Variants in RELN observed in about 807,000 individuals in gnomAD.
The protein encoded by RELN is reelin.
RELN carries 108 observed loss-of-function variants against 427.6 expected under a neutral mutation model. That is an observed-to-expected ratio of 0.25 (90% CI 0.22 to 0.30). The LOEUF (loss-of-function observed/expected upper bound fraction) is 0.30. Ranked by LOEUF, RELN falls within the 10% of genes least tolerant of loss-of-function variation. The pLI is 1.00. For synonymous variants in RELN, 1,524 were observed against 1,513.4 expected, an observed-to-expected ratio of 1.01 and a Z score of -0.16; for missense variants, 3,715 against 4,302.8, an observed-to-expected ratio of 0.86 and a Z score of 3.82.
intron 6 of RELN, among the ~76,000 whole-genome samples, chr7:103,730,775 G>C (rs772765281): frequency 2.0e-5 from 3 of 152,062 alleles, no homozygotes; most frequent in Non-Finnish European, 4.4e-5. Context: ...TCCTTTACTT[G>C]AATTTCTCAC....
chr7:103,574,730 C>T (rs1238642437), intron 29 of RELN, among the ~76,000 whole-genome samples: 1 of 152,078 alleles, frequency 6.6e-6, no homozygotes, highest in Non-Finnish European at 1.5e-5. Flanking sequence ...CCTGCAACAA[C>T]ATATGTTTGT....
intron 20 of RELN, among the ~76,000 whole-genome samples, chr7:103,623,339 T>C (rs1376778548): frequency 2.0e-5 from 3 of 152,224 alleles, no homozygotes; most frequent in Non-Finnish European, 2.9e-5. Flanking sequence ...ATTCCAAGAA[T>C]ACTCTAAGCT....
Position 103,608,303 on chromosome 7 carries a change from G to A in RELN, c.3008+2392C>T, listed in dbSNP as rs928855581. 9.2e-5 allele frequency among the ~76,000 whole-genome samples: 14 copies of A among 152,270 alleles called. No homozygotes were observed. The Middle Eastern group carries it at 0.01, about 112-fold the overall frequency. On this transcript the variant is annotated intron_variant, in intron 22 of 64. Transcript: ENST00000428762. Reference sequence around the variant, plus strand: ...GATCCAAAAACAATGACAATAACTAGTAGAATATGATTTTTTTGAAATGTA... The same window carrying A: ...GATCCAAAAACAATGACAATAACTAATAGAATATGATTTTTTTGAAATGTA...
chr7:103,567,355 TC>T (rs1258808706), intron 31 of RELN, among the ~76,000 whole-genome samples: 22 of 152,236 alleles, frequency 1.4e-4, no homozygotes, highest in Non-Finnish European at 2.9e-4. Flanking sequence ...TGTCACCTTT[TC>T]CCCTTTTCTT....
At chr7:103,852,015 G>C (rs1305750403) in intron 2 of RELN, among the ~76,000 whole-genome samples, 1 of 152,214 alleles carries the variant, frequency 6.6e-6, no homozygotes, top group African/African-American at 2.4e-5. Flanking sequence ...GGACTACTAT[G>C]TAAGATTGTT....
intron 2 of RELN, among the ~76,000 whole-genome samples, chr7:103,903,603 T>C (rs940705809): frequency 6.6e-6 from 1 of 152,170 alleles, no homozygotes; most frequent in African/African-American, 2.4e-5. Flanking sequence ...CAAAGCTTAG[T>C]GGCAACTTCT....
At chr7:103,828,280 G>C (rs1400644411) in intron 3 of RELN, among the ~76,000 whole-genome samples, 3 of 151,968 alleles carry the variant, frequency 2.0e-5, no homozygotes, top group Admixed American at 1.3e-4. Context: ...GAAACTGCTA[G>C]TGTCTGCAAT....
At chr7:103,635,616 T>G (rs1321928886) in intron 18 of RELN, 30 bp from the exon 19 acceptor site, 13 of 1,578,426 alleles carry the variant, frequency 8.2e-6, no homozygotes, top group Non-Finnish European at 1.1e-5. Context: ...AATTAGTGTA[T>G]GCATAAACAT....
rs1830400623 is a variant in RELN, at chr7:103,551,133, T to C, written c.6236A>G (p.Tyr2079Cys). Residue 2079 changes from tyrosine to cysteine, a missense_variant, in exon 41 of 65, where the codon TAC (tyrosine) becomes TGC (cysteine). Tyr to Cys is a radical substitution (Grantham distance 194). Coordinates refer to ENST00000428762, the MANE Select transcript of RELN (RefSeq NM_005045.4). ...CCAGCCCTGCATGGTTCCTGCGTAG[T>C]AGGTGCTGCTGGGGTGGTGCTCGGT... ...CSTEHHPSSTYYAGTMQGWRR... is the reference protein window; with the variant it reads ...CSTEHHPSSTCYAGTMQGWRR... 2 of 1,613,880 alleles carry C rather than the reference T, an allele frequency of 1.2e-6. No homozygotes were observed. The highest frequency in any genetic ancestry group is 1.7e-6 in the Non-Finnish European group (2 of 1,180,016).
At chr7:103,932,328 C>T (rs983514636) in intron 1 of RELN, among the ~76,000 whole-genome samples, 3 of 152,082 alleles carry the variant, frequency 2.0e-5, no homozygotes, top group African/African-American at 7.2e-5. Context: ...TAAGTGGGAC[C>T]TAAATGATGA....
chr7:103,750,004 G>C (rs1277784489), intron 5 of RELN, among the ~76,000 whole-genome samples: 2 of 152,030 alleles, frequency 1.3e-5, no homozygotes, highest in African/African-American at 4.8e-5. Context: ...TTTTGAGACA[G>C]AGTCTCGCTC....
chr7:103,777,883 TCACACA>T (rs201873652), intron 3 of RELN, among the ~76,000 whole-genome samples: 19 of 143,972 alleles, frequency 1.3e-4, no homozygotes, highest in African/African-American at 4.1e-4. Flanking sequence ...TGTTATACCT[TCACACA>T]CACACACACA....
rs754509576 is a variant in RELN at position 103,589,618 on chromosome 7, T to C, written c.4123A>G (p.Ile1375Val). Residue 1375 changes from isoleucine to valine, a missense_variant, in exon 28 of 65, where the codon ATT becomes GTT. Ile to Val is a conservative substitution (Grantham distance 29, BLOSUM62 3). This residue lies in a region of RELN where 2,208 missense variants were observed against 2,361.7 expected (regional missense o/e 0.93). Coordinates refer to ENST00000428762, the MANE Select transcript of RELN (RefSeq NM_005045.4). ...FEEWTRITIV[I>V]PRSLASSKTR... is the part of the protein sequence containing the mutation. ...TACCTGGATGCAAGAGACCTTGGAA[T>C]AACAATGGTGATTCTTGTCCATTCT... The C allele has an allele frequency of 6.2e-7, 1 of 1,613,270 alleles. No homozygotes were observed. The highest frequency in any genetic ancestry group is 2.2e-5 in the East Asian group (1 of 44,868).
intron 7 of RELN, among the ~76,000 whole-genome samples, chr7:103,724,171 G>T (rs1790144942): frequency 7.2e-6 from 1 of 139,394 alleles, no homozygotes; most frequent in Non-Finnish European, 1.6e-5. Context: ...TACTTTTGCT[G>T]CTTTTTTTTT....
Position 103,758,926 on chromosome 7 carries a change from C to T in RELN, c.545-5712G>A, listed in dbSNP as rs529713878. On this transcript the variant is annotated intron_variant, in intron 4 of 64. Coordinates refer to ENST00000428762, the MANE Select transcript of RELN (RefSeq NM_005045.4). ...GCAACATTCTAAGTCTTTCCTTAGCCGGGCATTTTCCTAGATGCTTGAGTA... is the reference window on the plus strand; with the variant it reads ...GCAACATTCTAAGTCTTTCCTTAGCTGGGCATTTTCCTAGATGCTTGAGTA... Among the ~76,000 whole-genome samples the T allele has an allele frequency of 5.9e-5, 9 of 151,770 alleles. No individual in the cohort carries two copies. The East Asian group carries it at 7.7e-4, about 13-fold the overall frequency.
At chr7:103,618,993 C>T (rs1832149357) in intron 20 of RELN, among the ~76,000 whole-genome samples, 1 of 152,044 alleles carries the variant, frequency 6.6e-6, no homozygotes, top group African/African-American at 2.4e-5. Flanking sequence ...TGGCGGGCAC[C>T]TGTAGTCCCA....
At chr7:103,789,740 G>A (rs550889092) in intron 3 of RELN, among the ~76,000 whole-genome samples, 1 of 152,196 alleles carries the variant, frequency 6.6e-6, no homozygotes, top group African/African-American at 2.4e-5. Context: ...TGGTGGGAGT[G>A]TAAATTAGTT....
chr7:103,652,622 G>A lies in RELN; in HGVS notation c.1692C>T (p.Leu564=), dbSNP rs777459026. 5 of 1,612,796 alleles carry A rather than the reference G, an allele frequency of 3.1e-6. No homozygotes were observed. Among genetic ancestry groups the A allele is most frequent in the Non-Finnish European group, 4.2e-6 (5 of 1,179,298 alleles). Residue 564 remains leucine (L), a synonymous_variant, in exon 14 of 65, where the codon CTC becomes CTT. Coordinates refer to ENST00000428762, the MANE Select transcript of RELN (RefSeq NM_005045.4). ...GTATCATGTGAGACATTGTAGAAGG[G>A]AGAACAGGCAAGACATGGAAAAAGT... ...AVDFFHVLPV[L]PSTMSHMIQF...
At chr7:103,505,713 G>T (rs187342528) in intron 51 of RELN, among the ~76,000 whole-genome samples, 2 of 152,250 alleles carry the variant, frequency 1.3e-5, no homozygotes, top group East Asian at 3.9e-4. Context: ...GCCAGCAAGG[G>T]AACAAAACGA....
Sources: gnomAD v4.1 joint callset for allele counts (sites outside exome capture counted in the v4.1 genomes callset) on GRCh38, gnomAD v4.1.1 for gene constraint, gnomAD v4.1.1 regional missense constraint, MANE v1.5 for transcripts, NCBI Gene and HGNC (gene_info 2026-07-23, HGNC 2026-07-21) for gene names.